The following CISD3 variants were observed in gnomAD, a reference collection of about 807,000 sequenced individuals.
CISD3 encodes the protein CDGSH iron sulfur domain 3.
A neutral mutation model predicts 14.1 loss-of-function variants in CISD3; 11 were observed. The observed-to-expected ratio is 0.78, with a 90% CI of 0.49 to 1.29. CISD3 has a LOEUF of 1.29. Ranked by LOEUF, CISD3 falls within the 50% of genes most tolerant of loss-of-function variation. The pLI is 0.00. For missense variants in CISD3, 156 were observed against 171.6 expected (o/e 0.91, Z 0.51); for synonymous variants, 53 against 69.2 (o/e 0.77, Z 1.16).
At position 38,730,758 on chromosome 17, in the gene CISD3, A is replaced by G. The variant is rs111676311; in HGVS notation, c.49-2A>G. On this transcript the variant is annotated splice_acceptor_variant, in intron 1 of 3. Transcript: ENST00000613478. LOFTEE classifies it high-confidence loss of function. The stretch of plus-strand genomic sequence containing the variant: ...TGCCTGCCATGCTTGCGTACCTTGC[A>G]GGACCTGAACCCGCGGCGGGACATC... The G allele has an allele frequency of 1.9e-6, 3 of 1,551,620 alleles. No individual in the cohort carries two copies. Among genetic ancestry groups the G allele is most frequent in the African/African-American group, 2.7e-5 (2 of 73,012 alleles).
In CISD3 at chr17:38,735,491, C is replaced by T. The variant is rs1280061078; in HGVS notation, c.*2036C>T. ...GGGAGCCTTGTCGCTGACTGACTCA[C>T]ACTCGGACGCCCCGCTGGTGTTGGT... On this transcript the variant is annotated 3_prime_UTR_variant, in exon 4 of 4. Coordinates refer to ENST00000613478, the MANE Select transcript of CISD3 (RefSeq NM_001136498.2). 1.3e-5 allele frequency: 20 copies of T among 1,593,514 alleles called. No individual in the cohort carries two copies. Among genetic ancestry groups the T allele is most frequent in the Admixed American group, 1.8e-5 (1 of 57,136 alleles).
chr17:38,732,643 A>C (rs1906383060), intron 3 of CISD3, among the ~76,000 whole-genome samples: 1 of 152,074 alleles, frequency 6.6e-6, no homozygotes, highest in Non-Finnish European at 1.5e-5. Context: ...TCAAAAAAAA[A>C]GGCCTTGGCA....
Position 38,731,171 on chromosome 17 carries a change from A to T in CISD3, c.85-149A>T, listed in dbSNP as rs2092309127. On this transcript the variant is annotated intron_variant, in intron 2 of 3. Transcript: ENST00000613478. ...CTCACGGTCCTATGGTGTCCTGGGG[A>T]ACGGTCTTGTTGGGTGGCATCAGAT... is the stretch of plus-strand genomic sequence containing the variant. The T allele has an allele frequency of 1.6e-5, 17 of 1,060,688 alleles. No individual in the cohort carries two copies. In the Admixed American group the frequency reaches 2.5e-4, roughly 16 times the overall value. 65.7% of individuals were successfully genotyped at this position (1,060,688 alleles called of 1,614,324 possible). A position where few individuals can be genotyped will look rare whatever the true frequency, so the allele number is the denominator to read the frequency against.
chr17:38,733,260 G>T lies in CISD3; in HGVS notation c.205-16G>T. The T allele has an allele frequency of 6.4e-7, 1 of 1,551,218 alleles. No individual in the cohort carries two copies. The highest frequency in any genetic ancestry group is 8.7e-7 in the Non-Finnish European group (1 of 1,146,944). On this transcript the variant is annotated splice_polypyrimidine_tract_variant and intron_variant, in intron 3 of 3. Coordinates refer to ENST00000613478, the MANE Select transcript of CISD3 (RefSeq NM_001136498.2). Reference sequence around the variant, plus strand: ...AGGTGGGGTCAGGTCTTTGACTCCTGTCTTTCCCCCACCAGCCCTTCTGTG... The same window carrying T: ...AGGTGGGGTCAGGTCTTTGACTCCTTTCTTTCCCCCACCAGCCCTTCTGTG...
rs1322585642 is a variant in CISD3 at position 38,735,585 on chromosome 17, G to A, written c.*2130G>A. On this transcript the variant is annotated 3_prime_UTR_variant, in exon 4 of 4. Coordinates refer to ENST00000613478, the MANE Select transcript of CISD3 (RefSeq NM_001136498.2). ...CAGGCTGGCTGGACACGGTACTTGA[G>A]GGGGAGAGGCCCGTTCTGCGGGGAG... 2 of 1,576,314 alleles carry A rather than the reference G, an allele frequency of 1.3e-6. No individual in the cohort carries two copies. The highest frequency in any genetic ancestry group is 1.3e-5 in the African/African-American group (1 of 74,448).
At chr17:38,732,938 GACACACACACAC>G (rs148830489) in intron 3 of CISD3, among the ~76,000 whole-genome samples, 5 of 116,572 alleles carry the variant, frequency 4.3e-5, no homozygotes, top group Admixed American at 9.5e-5. Context: ...GAGACTCAGA[GACACACACACAC>G]ACACACACAC....
In CISD3 at chr17:38,730,810, C is replaced by T. The variant is rs1303825561; in HGVS notation, c.84+15C>T. 1.3e-6 allele frequency: 2 copies of T among 1,551,026 alleles called. No homozygotes were observed. Among genetic ancestry groups the T allele is most frequent in the Non-Finnish European group, 1.7e-6 (2 of 1,146,372 alleles). On this transcript the variant is annotated intron_variant, in intron 2 of 3. Coordinates refer to ENST00000613478, the MANE Select transcript of CISD3 (RefSeq NM_001136498.2). ...CCTCCTGGCTGGTGAGTCCCCCCAT[C>T]CTCCCCTCCTCCTCGCACAAGACCC... is the stretch of plus-strand genomic sequence containing the variant.
At position 38,735,571 on chromosome 17, in the gene CISD3, G is replaced by C. The variant is rs1052082284; in HGVS notation, c.*2116G>C. The C allele has an allele frequency of 1.9e-6, 3 of 1,584,006 alleles. No homozygotes were observed. Among genetic ancestry groups the C allele is most frequent in the Non-Finnish European group, 2.6e-6 (3 of 1,164,322 alleles). ...GGGTGAGCCGCTTGCAGGCTGGCTGGACACGGTACTTGAGGGGGAGAGGCC... is the reference window on the plus strand; with the variant it reads ...GGGTGAGCCGCTTGCAGGCTGGCTGCACACGGTACTTGAGGGGGAGAGGCC... On this transcript the variant is annotated 3_prime_UTR_variant, in exon 4 of 4. Coordinates refer to ENST00000613478, the MANE Select transcript of CISD3 (RefSeq NM_001136498.2).
At chr17:38,731,801 A>C in intron 3 of CISD3, 1 of 251,132 alleles carries the variant, frequency 4.0e-6, no homozygotes, top group Non-Finnish European at 8.0e-6. Context: ...TGAACCCCAA[A>C]AGCCTACAGC....
intron 3 of CISD3, among the ~76,000 whole-genome samples, chr17:38,732,747 C>T (rs762205960): frequency 6.6e-6 from 1 of 152,094 alleles, no homozygotes; most frequent in East Asian, 1.9e-4. Flanking sequence ...ATGGGGAGTA[C>T]ACTTCTGTGC....
intron 3 of CISD3, among the ~76,000 whole-genome samples, chr17:38,733,024 G>T (rs951428930): frequency 2.1e-4 from 32 of 151,562 alleles, no homozygotes; most frequent in Admixed American, 2.0e-3. Context: ...ATGCTATAAA[G>T]ACTCTGTAAA....
chr17:38,735,505 G>A lies in CISD3; in HGVS notation c.*2050G>A, dbSNP rs1906633196. 2.5e-6 allele frequency: 4 copies of A among 1,592,332 alleles called. No homozygotes were observed. Among genetic ancestry groups the A allele is most frequent in the South Asian group, 2.3e-5 (2 of 87,886 alleles). On this transcript the variant is annotated 3_prime_UTR_variant, in exon 4 of 4. Coordinates refer to ENST00000613478, the MANE Select transcript of CISD3 (RefSeq NM_001136498.2). ...TGACTGACTCACACTCGGACGCCCC[G>A]CTGGTGTTGGTGCCCTCGGAGGGGG...
At position 38,735,366 on chromosome 17, in the gene CISD3, T is replaced by A. The variant is rs775970031; in HGVS notation, c.*1911T>A. On this transcript the variant is annotated 3_prime_UTR_variant, in exon 4 of 4. Transcript: ENST00000613478. Reference sequence around the variant, plus strand: ...GCTGTCGAAGGGGGAGTGGGGGAGGTAGGGTGGGTGGCTGGAGGCCCATGG... The same window carrying A: ...GCTGTCGAAGGGGGAGTGGGGGAGGAAGGGTGGGTGGCTGGAGGCCCATGG... 1.7e-5 allele frequency: 27 copies of A among 1,543,396 alleles called. No homozygotes were observed. Among genetic ancestry groups the A allele is most frequent in the Non-Finnish European group, 2.2e-5 (25 of 1,141,576 alleles).
Position 38,735,071 on chromosome 17 carries a change from A to C in CISD3, c.*1616A>C. The C allele has an allele frequency of 1.8e-4, 80 of 439,456 alleles. No individual in the cohort carries two copies. The highest frequency in any genetic ancestry group is 2.4e-4 in the Non-Finnish European group (62 of 254,944). The allele number at this position is 439,456 out of a possible 1,614,324, so 27.2% of individuals were successfully genotyped here. A position where few individuals can be genotyped will look rare whatever the true frequency, so the allele number is the denominator to read the frequency against. On this transcript the variant is annotated 3_prime_UTR_variant, in exon 4 of 4. Transcript: ENST00000613478. ...TAAGTATGTATATTTGGTTTTTCCT[A>C]TGTACATATATATATATATTTATTT...
Position 38,734,527 on chromosome 17 carries a change from GA to G in CISD3, c.*1085del, listed in dbSNP as rs5820265. ...AATGATGCAAAGGCCACACACACAG[GA>G]AAAAAAAAAAAAGAGGCAGAACTAT... On this transcript the variant is annotated 3_prime_UTR_variant, in exon 4 of 4. Coordinates refer to ENST00000613478, the MANE Select transcript of CISD3 (RefSeq NM_001136498.2). The G allele has an allele frequency of 5.4e-4, 78 of 144,230 alleles. No homozygotes were observed. Among genetic ancestry groups the G allele is most frequent in the Non-Finnish European group, 7.0e-4 (46 of 65,586 alleles). 8.9% of individuals were successfully genotyped at this position (144,230 alleles called of 1,614,324 possible).
In CISD3 at chr17:38,735,182, G is replaced by C; in HGVS notation, c.*1727G>C. On this transcript the variant is annotated 3_prime_UTR_variant, in exon 4 of 4. Coordinates refer to ENST00000613478, the MANE Select transcript of CISD3 (RefSeq NM_001136498.2). The stretch of plus-strand genomic sequence containing the variant: ...AAAGGGCCCAGAAAAAGTGGAAGGA[G>C]TGGAGAGGCTTGGCTGGAAGAAGGG... The C allele has an allele frequency of 7.5e-7, 1 of 1,325,494 alleles. No homozygotes were observed. The highest frequency in any genetic ancestry group is 9.8e-7 in the Non-Finnish European group (1 of 1,021,086). The allele number at this position is 1,325,494 out of a possible 1,614,324, so 82.1% of individuals were successfully genotyped here. A position where few individuals can be genotyped will look rare whatever the true frequency, so the allele number is the denominator to read the frequency against.
rs186544010 is a variant in CISD3 at position 38,730,802 on chromosome 17, C to T, written c.84+7C>T. 1.9e-6 allele frequency: 3 copies of T among 1,550,822 alleles called. No homozygotes were observed. In the Admixed American group the frequency reaches 5.9e-5, roughly 30 times the overall value. On this transcript the variant is annotated splice_region_variant and intron_variant, in intron 2 of 3. Transcript: ENST00000613478. ...GGACATCTCCTCCTGGCTGGTGAGT[C>T]CCCCCATCCTCCCCTCCTCCTCGCA...
intron 1 of CISD3, 125 bp downstream of exon 1, chr17:38,730,531 T>G: frequency 2.1e-6 from 2 of 935,960 alleles, no homozygotes; most frequent in Non-Finnish European, 3.1e-6. Flanking sequence ...GGTGTCTGGC[T>G]TGCCTCAGCT....
rs1354978642 is a variant in CISD3 at position 38,731,343 on chromosome 17, A to C, written c.108A>C (p.Pro36=). The C allele has an allele frequency of 2.6e-6, 4 of 1,551,564 alleles. No individual in the cohort carries two copies. In the South Asian group the frequency reaches 4.8e-5, roughly 18 times the overall value. Residue 36 remains proline (P), a synonymous_variant, in exon 3 of 4, where the codon CCA becomes CCC. Coordinates refer to ENST00000613478, the MANE Select transcript of CISD3 (RefSeq NM_001136498.2). ...AGGCCCAGTGGTTCCCTAGAACCCC[A>C]GCCAGGTCCGTGGTGGCCCTGAAGA... is the stretch of plus-strand genomic sequence containing the variant. ...SWLAQWFPRT[P]ARSVVALKTP... is the part of the protein sequence containing the mutation.
Sources: gnomAD v4.1 joint callset for allele counts (sites outside exome capture counted in the v4.1 genomes callset) on GRCh38, gnomAD v4.1.1 for gene constraint, MANE v1.5 for transcripts, NCBI Gene and HGNC (gene_info 2026-07-23, HGNC 2026-07-21) for gene names.